KIR2DL1: variants seen among roughly 807,000 people sequenced by gnomAD.
KIR2DL1 encodes killer cell immunoglobulin-like receptor 2DL1.
Under a neutral mutation model 33.9 loss-of-function variants are expected in KIR2DL1, and 38 were observed. That is an observed-to-expected ratio of 1.12 (90% CI 0.86 to 1.47). The LOEUF (loss-of-function observed/expected upper bound fraction) is 1.47. Ranked by LOEUF, KIR2DL1 falls within the 40% of genes most tolerant of loss-of-function variation. KIR2DL1 has a pLI of 0.00. For missense variants in KIR2DL1, 531 were observed against 433.9 expected (o/e 1.22, Z -1.99); for synonymous variants, 179 against 165.9 (o/e 1.08, Z -0.61).
chr19:54,777,888 T>C (rs1281563275), intron 4 of KIR2DL1, among the ~76,000 whole-genome samples: 1 of 148,072 alleles, frequency 6.8e-6, no homozygotes, highest in Non-Finnish European at 1.5e-5. Flanking sequence ...CCTCTGCATG[T>C]AGATGTCCAG....
chr19:54,780,462 G>A (rs1455809374), intron 5 of KIR2DL1, among the ~76,000 whole-genome samples: 1 of 141,228 alleles, frequency 7.1e-6, no homozygotes, highest in African/African-American at 2.6e-5. Flanking sequence ...GAGACGGAGA[G>A]CACACTGGGT....
chr19:54,783,109 C>A (rs879164409), intron 6 of KIR2DL1, 86 bp downstream of exon 6: 33 of 1,467,874 alleles, frequency 2.2e-5, no homozygotes, highest in Non-Finnish European at 5.7e-6. Flanking sequence ...TCCTCACAAA[C>A]AGGATGGTCC....
chr19:54,780,571 C>G (rs1381596260), intron 5 of KIR2DL1, among the ~76,000 whole-genome samples: 1 of 144,498 alleles, frequency 6.9e-6, no homozygotes, highest in Non-Finnish European at 1.5e-5. Flanking sequence ...ATTAATATGA[C>G]TGACATGAAA....
rs1375376874 is a variant in KIR2DL1 at position 54,783,823 on chromosome 19, T to C, written c.*10T>C. ...TGTCTCCTGCCCATGAGCACCACAG[T>C]CAGGCCTTGAGGGCGTCTTCTAGGG... is the stretch of plus-strand genomic sequence containing the variant. On this transcript the variant is annotated 3_prime_UTR_variant, in exon 8 of 8. Coordinates refer to ENST00000336077, the MANE Select transcript of KIR2DL1 (RefSeq NM_014218.3). 14 of 1,613,930 alleles carry C rather than the reference T, an allele frequency of 8.7e-6. No homozygotes were observed. The highest frequency in any genetic ancestry group is 1.2e-5 in the Non-Finnish European group (14 of 1,179,938).
chr19:54,777,642 T>G (rs1389445053), intron 4 of KIR2DL1, among the ~76,000 whole-genome samples: 2 of 147,804 alleles, frequency 1.4e-5, no homozygotes, highest in Non-Finnish European at 3.0e-5. Flanking sequence ...TTTGTTGGTT[T>G]ATTTTTAGCA....
chr19:54,771,244 G>A (rs1400779805), intron 2 of KIR2DL1, among the ~76,000 whole-genome samples: 1 of 148,648 alleles, frequency 6.7e-6, no homozygotes, highest in South Asian at 2.1e-4. Flanking sequence ...CCACAGCCAT[G>A]GCCCTGACAT....
chr19:54,778,312 A>C (rs1461665495), intron 4 of KIR2DL1, among the ~76,000 whole-genome samples: 3 of 149,386 alleles, frequency 2.0e-5, no homozygotes, highest in East Asian at 1.9e-4. Flanking sequence ...TATCTGTGTT[A>C]TTCATTCTGC....
chr19:54,776,638 T>C (rs1226077279), intron 4 of KIR2DL1, among the ~76,000 whole-genome samples: 2 of 143,572 alleles, frequency 1.4e-5, no homozygotes, highest in Non-Finnish European at 3.1e-5. Flanking sequence ...AGTTCTCTTT[T>C]TTTTTTTTTT....
chr19:54,775,131 T>C, intron 3 of KIR2DL1, 34 bp from the exon 4 acceptor site: 2 of 1,543,098 alleles, frequency 1.3e-6, no homozygotes, highest in Non-Finnish European at 1.8e-6. Context: ...ACAAAGAAGA[T>C]CCTCCCTGAG....
At position 54,780,060 on chromosome 19, in the gene KIR2DL1, G is replaced by A. The variant is rs749419908; in HGVS notation, c.715+1398G>A. 91 of 488,996 alleles carry A rather than the reference G, an allele frequency of 1.9e-4. 6 individuals are homozygous for A. Among genetic ancestry groups the A allele is most frequent in the South Asian group, 1.1e-3 (45 of 41,072 alleles). The allele number at this position is 488,996 out of a possible 1,614,324, so 30.3% of individuals were successfully genotyped here. A position where few individuals can be genotyped will look rare whatever the true frequency, so the allele number is the denominator to read the frequency against. ...ATTACAGGCAACTGCCACCGTGCCC[G>A]GCTAATTCTTTTTGTATATTTTTTG... On this transcript the variant is annotated intron_variant, in intron 5 of 7. Transcript: ENST00000336077.
intron 2 of KIR2DL1, among the ~76,000 whole-genome samples, chr19:54,771,942 C>T (rs1183586324): frequency 2.0e-5 from 3 of 147,814 alleles, no homozygotes; most frequent in Admixed American, 1.4e-4. Flanking sequence ...TCCTGAATCC[C>T]AGAGCTCCTG....
intron 4 of KIR2DL1, 106 bp downstream of exon 4, chr19:54,775,564 G>C (rs1194136316): frequency 1.0e-5 from 14 of 1,354,824 alleles, no homozygotes; most frequent in East Asian, 2.3e-5. Context: ...GAGAGAAGAC[G>C]CAGCCTCGGT....
intron 2 of KIR2DL1, 108 bp downstream of exon 2, chr19:54,770,992 A>AC: frequency 6.8e-7 from 1 of 1,461,136 alleles, no homozygotes; most frequent in Non-Finnish European, 9.5e-7. Context: ...GGAAGAAGGG[A>AC]CCCTGGGGTG....
chr19:54,775,699 G>T lies in KIR2DL1; in HGVS notation c.664+241G>T, dbSNP rs1044091096. ...GCAGATGGAGAAAGCGGTCAGGAGA[G>T]ACCCAGAGGAGGGAGACTGGGCTCA... is the stretch of plus-strand genomic sequence containing the variant. On this transcript the variant is annotated intron_variant, in intron 4 of 7. Coordinates refer to ENST00000336077, the MANE Select transcript of KIR2DL1 (RefSeq NM_014218.3). 3.4e-5 allele frequency among the ~76,000 whole-genome samples: 5 copies of T among 148,652 alleles called. 1 individual carries two copies.
intron 2 of KIR2DL1, 136 bp downstream of exon 2, chr19:54,771,020 A>G (rs2075654550): frequency 2.3e-6 from 3 of 1,319,474 alleles, no homozygotes; most frequent in Non-Finnish European, 3.2e-6. Flanking sequence ...CACATTTCTG[A>G]CCTTGCCTCC....
intron 5 of KIR2DL1, among the ~76,000 whole-genome samples, 191 bp from the exon 6 acceptor site, chr19:54,782,731 T>G (rs1001149346): frequency 2.0e-5 from 3 of 151,968 alleles, no homozygotes; most frequent in African/African-American, 4.8e-5. Context: ...AGTAGTCGTA[T>G]CCTCAGCACG....
chr19:54,784,012 G>C lies in KIR2DL1; in HGVS notation c.*199G>C. 2 of 869,456 alleles carry C rather than the reference G, an allele frequency of 2.3e-6. No homozygotes were observed. The highest frequency in any genetic ancestry group is 1.8e-6 in the Non-Finnish European group (1 of 553,530). 53.9% of individuals were successfully genotyped at this position (869,456 alleles called of 1,614,324 possible). On this transcript the variant is annotated 3_prime_UTR_variant, in exon 8 of 8. Coordinates refer to ENST00000336077, the MANE Select transcript of KIR2DL1 (RefSeq NM_014218.3). ...TGTCTAAGGTCCCCACTGCCTGCTG[G>C]AGAAAAAACACACTCCTTTGCTTAA...
Position 54,773,426 on chromosome 19 carries a change from T to C in KIR2DL1, c.164T>C (p.Phe55Ser), listed in dbSNP as rs572139421. The change falls in exon 3 of 8, where the codon TTT becomes TCT. Residue 55 changes from phenylalanine (F) to serine (S), a missense_variant. Phe to Ser is a radical substitution (Grantham distance 155). Transcript: ENST00000336077. ...VILQCWSDVM[F>S]EHFLLHREGM... ...CTGCAGTGTTGGTCAGATGTCATGT[T>C]TGAACACTTCCTTCTGCACAGAGAG... 14 of 1,591,912 alleles carry C rather than the reference T, an allele frequency of 8.8e-6. 2 individuals carry two copies. In the South Asian group the frequency reaches 1.1e-4, roughly 13 times the overall value.
chr19:54,773,910 C>T (rs1427669388), intron 3 of KIR2DL1, among the ~76,000 whole-genome samples: 20 of 148,548 alleles, frequency 1.3e-4, no homozygotes, highest in Admixed American at 1.2e-3. Context: ...AGAGAGGTGT[C>T]CCTCCATGCT....
Sources: allele counts gnomAD v4.1 joint callset (sites outside exome capture counted in the v4.1 genomes callset), GRCh38; gene constraint gnomAD v4.1.1; transcripts MANE v1.5; gene names NCBI Gene and HGNC (gene_info 2026-07-23, HGNC 2026-07-21).